Variants in CYP4F11 observed in about 807,000 individuals in gnomAD.
CYP4F11 encodes cytochrome P450 family 4 subfamily F member 11, also known as cytochrome P450 4F11.
CYP4F11 carries 79 observed loss-of-function variants against 62.2 expected under a neutral mutation model. The observed-to-expected ratio is 1.27, with a 90% confidence interval of 1.06 to 1.53. CYP4F11 has a LOEUF of 1.53. CYP4F11 is among the 40% of genes most tolerant of loss of function. The pLI is 0.00. For synonymous variants in CYP4F11, 290 were observed against 263.7 expected, an observed-to-expected ratio of 1.10 and a Z score of -0.97; for missense variants, 777 against 680.5, an observed-to-expected ratio of 1.14 and a Z score of -1.58.
intron 2 of CYP4F11, among the ~76,000 whole-genome samples, chr19:15,928,394 A>G (rs1049355879): frequency 6.6e-6 from 1 of 152,182 alleles, no homozygotes; most frequent in Non-Finnish European, 1.5e-5. Flanking sequence ...TCTGATTGGA[A>G]CTGGGCTTCT....
In CYP4F11 at chr19:15,913,850, A is replaced by C; in HGVS notation, c.1457T>G (p.Leu486Arg). The C allele has an allele frequency of 6.2e-7, 1 of 1,614,070 alleles. No homozygotes were observed. Among genetic ancestry groups the C allele is most frequent in the East Asian group, 2.2e-5 (1 of 44,882 alleles). Residue 486 changes from leucine to arginine, a missense_variant, in exon 12 of 12, where the codon CTG becomes CGG. By Grantham distance (102) the Leu-to-Arg change is moderately radical. Coordinates refer to ENST00000402119, the MANE Select transcript of CYP4F11 (RefSeq NM_021187.4). Reference protein sequence around the residue: ...AEMKVVLALTLLHFRILPTHT... With the variant: ...AEMKVVLALTRLHFRILPTHT... ...GGTCGGCAGGATGCGGAAGTGCAGC[A>C]GGGTGAGCGCCAGGACCACCTTCAT... is the stretch of plus-strand genomic sequence containing the variant.
rs1400040313 is a variant in CYP4F11 at position 15,913,898 on chromosome 19, C to T, written c.1409G>A (p.Gly470Glu). ...PFSAGPRNCI[G>E]QAFAMAEMKV... is the part of the protein sequence containing the mutation. ...CATCTCAGCCATGGCGAACGCCTGC[C>T]CGATGCAGTTTCTGGGGGCAAAAGT... The change falls in exon 12 of 12, where the codon GGG (glycine) becomes GAG (glutamate). Residue 470 changes from glycine to glutamate, a missense_variant. Gly to Glu is a moderately conservative substitution (Grantham distance 98, BLOSUM62 -2). Coordinates refer to ENST00000402119, the MANE Select transcript of CYP4F11 (RefSeq NM_021187.4). 1.9e-6 allele frequency: 3 copies of T among 1,612,524 alleles called. No individual in the cohort carries two copies. Among genetic ancestry groups the T allele is most frequent in the Non-Finnish European group, 2.5e-6 (3 of 1,179,336 alleles).
intron 8 of CYP4F11, 58 bp downstream of exon 8, chr19:15,921,979 C>T: frequency 6.7e-7 from 1 of 1,490,062 alleles, no homozygotes; most frequent in South Asian, 1.5e-5. Flanking sequence ...TCCCTCTGCC[C>T]ACCTGAGGAG....
rs1231418836 is a variant in CYP4F11, at chr19:15,933,837, T to C, written c.198+374A>G. Among the ~76,000 whole-genome samples, 2 of 47,804 alleles carry C rather than the reference T, an allele frequency of 4.2e-5. 1 individual carries two copies. Among genetic ancestry groups the C allele is most frequent in the Non-Finnish European group, 8.9e-5 (2 of 22,550 alleles). The allele number at this position is 47,804 out of a possible 152,430, so 31.4% of individuals were successfully genotyped here. On this transcript the variant is annotated intron_variant, in intron 1 of 11. Coordinates refer to ENST00000402119, the MANE Select transcript of CYP4F11 (RefSeq NM_021187.4). The stretch of plus-strand genomic sequence containing the variant: ...ATGAGTGAGTGAGGAGAAGAATGAG[T>C]GAGTGAGGAGAGGAATGAGTGAGTG...
intron 8 of CYP4F11, among the ~76,000 whole-genome samples, chr19:15,919,195 A>G (rs530485303): frequency 2.2e-4 from 32 of 148,076 alleles, no homozygotes; most frequent in African/African-American, 7.4e-4. Context: ...AAATATATAC[A>G]TTTCATTGAC....
At chr19:15,933,941 C>T (rs372675167) in intron 1 of CYP4F11, among the ~76,000 whole-genome samples, 40 of 137,706 alleles carry the variant, frequency 2.9e-4, no homozygotes, top group African/African-American at 1.1e-3. Context: ...AATGAGTGAG[C>T]GGGGAGAGGA....
chr19:15,934,526 C>T lies in CYP4F11; in HGVS notation c.-118G>A. The stretch of plus-strand genomic sequence containing the variant: ...AGTGCTGGAGGCAGATCAGGGAAGG[C>T]TCTGAGATGGGTAAACAAGAGCTGA... On this transcript the variant is annotated 5_prime_UTR_variant, in exon 1 of 12. Coordinates refer to ENST00000402119, the MANE Select transcript of CYP4F11 (RefSeq NM_021187.4). 8.1e-7 allele frequency: 1 copy of T among 1,228,824 alleles called. No individual in the cohort carries two copies. The highest frequency in any genetic ancestry group is 1.1e-6 in the Non-Finnish European group (1 of 902,470). 76.1% of individuals were successfully genotyped at this position (1,228,824 alleles called of 1,614,324 possible).
intron 2 of CYP4F11, chr19:15,927,735 T>A: frequency 1.8e-6 from 1 of 545,234 alleles, no homozygotes; most frequent in Non-Finnish European, 3.3e-6. Flanking sequence ...AGGTCCAACA[T>A]GTTCTGCAAC....
rs780110853 is a variant in CYP4F11 at position 15,914,787 on chromosome 19, G to A, written c.1224C>T (p.Leu408=). The change falls in exon 9 of 12, where the codon CTC becomes CTT. Residue 408 remains leucine, a synonymous_variant. Transcript: ENST00000402119. The stretch of plus-strand genomic sequence containing the variant: ...CTTTGGGGATGACGCGGCCGTCTGG[G>A]AGCACAAAGTCCTGCGTGCAACATC... The part of the protein sequence containing the change: ...ISRCCTQDFV[L]PDGRVIPKGI... 6.2e-7 allele frequency: 1 copy of A among 1,614,168 alleles called. No homozygotes were observed. The highest frequency in any genetic ancestry group is 8.5e-7 in the Non-Finnish European group (1 of 1,180,022).
Position 15,912,680 on chromosome 19 carries a change from A to AAAATATATAT in CYP4F11, c.*1051_*1052insATATATATTT, listed in dbSNP as rs59091525. ...TCACCATCCTCAGGAAAAAAAAAAA[A>AAAATATATAT]ATATATATATATATATATGTGTGTG... is the stretch of plus-strand genomic sequence containing the variant. On this transcript the variant is annotated 3_prime_UTR_variant, in exon 12 of 12. Coordinates refer to ENST00000402119, the MANE Select transcript of CYP4F11 (RefSeq NM_021187.4). The AAAATATATAT allele has an allele frequency of 1.5e-5, 1 of 66,174 alleles. No individual in the cohort carries two copies. Among genetic ancestry groups the AAAATATATAT allele is most frequent in the African/African-American group, 6.4e-5 (1 of 15,512 alleles). 4.1% of individuals were successfully genotyped at this position (66,174 alleles called of 1,614,324 possible).
rs755533563 is a variant in CYP4F11 at position 15,929,527 on chromosome 19, C to A, written c.273G>T (p.Trp91Cys). The A allele has an allele frequency of 1.9e-6, 3 of 1,614,062 alleles. No individual in the cohort carries two copies. The highest frequency in any genetic ancestry group is 2.2e-5 in the South Asian group (2 of 91,056). The change falls in exon 2 of 12, where the codon TGG becomes TGT. Residue 91 changes from tryptophan (W) to cysteine (C), a missense_variant. By Grantham distance (215) the Trp-to-Cys change is radical. Transcript: ENST00000402119. ...VTTYPQGFKL[W>C]LGPTFPLLIL... Reference sequence around the variant, plus strand: ...TGAGGAGGGGGAAGGTAGGACCCAGCCACAACTTAAAGCCCTGGGGATATG... The same window carrying A: ...TGAGGAGGGGGAAGGTAGGACCCAGACACAACTTAAAGCCCTGGGGATATG...
In CYP4F11 at chr19:15,913,820, G is replaced by A. The variant is rs752488247; in HGVS notation, c.1487C>T (p.Thr496Ile). Residue 496 changes from threonine (T) to isoleucine (I), a missense_variant, in exon 12 of 12, where the codon ACT becomes ATT. By Grantham distance (89) the Thr-to-Ile change is moderately conservative. Transcript: ENST00000402119. ...LLHFRILPTHTEPRRKPELIL... is the reference protein window; with the variant it reads ...LLHFRILPTHIEPRRKPELIL... ...CAGCTCGGGTTTCCTGCGGGGTTCA[G>A]TGTGGGTCGGCAGGATGCGGAAGTG... is the stretch of plus-strand genomic sequence containing the variant. 4.3e-6 allele frequency: 7 copies of A among 1,614,200 alleles called. No homozygotes were observed. The highest frequency in any genetic ancestry group is 2.7e-5 in the African/African-American group (2 of 75,056).
At chr19:15,922,800 T>A (rs969295235) in intron 6 of CYP4F11, among the ~76,000 whole-genome samples, 3 of 152,148 alleles carry the variant, frequency 2.0e-5, no homozygotes, top group African/African-American at 7.2e-5. Context: ...ACGCCTATAA[T>A]CCCAACACTT....
In CYP4F11 at chr19:15,913,723, G is replaced by T. The variant is rs751217431; in HGVS notation, c.*9C>A. The T allele has an allele frequency of 2.1e-5, 33 of 1,574,828 alleles. 1 individual carries two copies. In the South Asian group the frequency reaches 3.4e-4, roughly 16 times the overall value. ...GGACTCTACAGAGGTGGGTGGGTGG[G>T]TAGGACAGTCACTGTGAGTTCGCAC... On this transcript the variant is annotated 3_prime_UTR_variant, in exon 12 of 12. Transcript: ENST00000402119.
At position 15,934,329 on chromosome 19, in the gene CYP4F11, C is replaced by G. The variant is rs943121637; in HGVS notation, c.80G>C (p.Gly27Ala). The stretch of plus-strand genomic sequence containing the variant: ...CAGGACGCGGGCCAGGAGCCAGGAG[C>G]CTCCAACCAGCAGCAGAAGCAGCCA... ...SPWLLLLLVG[G>A]SWLLARVLAW... Residue 27 changes from glycine to alanine, a missense_variant, in exon 1 of 12, where the codon GGC (glycine) becomes GCC (alanine). Transcript: ENST00000402119. 3.1e-6 allele frequency: 5 copies of G among 1,613,466 alleles called. No homozygotes were observed. In the African/African-American group the frequency reaches 6.7e-5, roughly 22 times the overall value.
intron 4 of CYP4F11, among the ~76,000 whole-genome samples, chr19:15,926,193 C>T (rs1427302576): frequency 6.6e-6 from 1 of 151,666 alleles, no homozygotes; most frequent in African/African-American, 2.4e-5. Flanking sequence ...ATTCCCTAAG[C>T]CTAGTGCTCC....
chr19:15,918,086 C>A (rs2089596374), intron 8 of CYP4F11, among the ~76,000 whole-genome samples: 1 of 152,140 alleles, frequency 6.6e-6, no homozygotes, highest in Admixed American at 6.5e-5. Flanking sequence ...TTCATATACA[C>A]CATGGAATAC....
chr19:15,924,131 C>T (rs2089651459), intron 5 of CYP4F11, 49 bp from the exon 6 acceptor site: 1 of 1,580,980 alleles, frequency 6.3e-7, no homozygotes, highest in Non-Finnish European at 8.6e-7. Flanking sequence ...CCAGGAGCAC[C>T]TCTCACCAGC....
rs2089561020 is a variant in CYP4F11 at position 15,914,021 on chromosome 19, G to A, written c.1398-112C>T. On this transcript the variant is annotated intron_variant, in intron 11 of 11. Transcript: ENST00000402119. ...CGCACCCACATAGGCTTGAGGGGCAGAAAGAGGGGATAAGTGTCCACAGGA... is the reference window on the plus strand; with the variant it reads ...CGCACCCACATAGGCTTGAGGGGCAAAAAGAGGGGATAAGTGTCCACAGGA... The A allele has an allele frequency of 3.0e-6, 4 of 1,335,230 alleles. No homozygotes were observed. In the South Asian group the frequency reaches 5.7e-5, roughly 19 times the overall value. The allele number at this position is 1,335,230 out of a possible 1,614,324, so 82.7% of individuals were successfully genotyped here.
Sources: allele counts gnomAD v4.1 joint callset (sites outside exome capture counted in the v4.1 genomes callset), GRCh38; gene constraint gnomAD v4.1.1; transcripts MANE v1.5; gene names NCBI Gene and HGNC (gene_info 2026-07-23, HGNC 2026-07-21).